SMC4: variants seen among roughly 807,000 people sequenced by gnomAD.
SMC4 encodes structural maintenance of chromosomes 4, also known as structural maintenance of chromosomes protein 4.
Under a neutral mutation model 145.6 loss-of-function variants are expected in SMC4, and 87 were observed. The ratio of observed to expected loss-of-function variants is 0.60; its 90% CI spans 0.50 to 0.71. The LOEUF is 0.71. SMC4 is among the 30% of genes least tolerant of loss of function. The pLI, the probability that SMC4 is intolerant of heterozygous loss-of-function variation, is 0.00. For missense variants in SMC4, 1,447 were observed against 1,537.1 expected, an observed-to-expected ratio of 0.94 and a Z score of 0.98; for synonymous variants, 558 against 500.7, an observed-to-expected ratio of 1.11 and a Z score of -1.53.
chr3:160,408,111 ACT>A (rs1715549020), intron 5 of SMC4, among the ~76,000 whole-genome samples: 1 of 152,176 alleles, frequency 6.6e-6, no homozygotes, highest in Non-Finnish European at 1.5e-5. Flanking sequence ...TTATGCAAAC[ACT>A]CATATTTGCT....
chr3:160,414,137 ATG>A (rs1394339420), intron 8 of SMC4: 2 of 533,802 alleles, frequency 3.7e-6, no homozygotes, highest in Non-Finnish European at 7.2e-6. Context: ...TCACTGGAAA[ATG>A]TGTTATTTTC....
intron 13 of SMC4, 126 bp from the exon 14 acceptor site, chr3:160,423,299 G>T (rs559536916): frequency 4.2e-6 from 3 of 716,274 alleles, no homozygotes; most frequent in Non-Finnish European, 6.7e-6. Context: ...TCTAATTTTA[G>T]AACCTTTTGT....
intron 21 of SMC4, 84 bp downstream of exon 21, chr3:160,431,909 A>T: frequency 7.1e-7 from 1 of 1,414,730 alleles, no homozygotes; most frequent in South Asian, 1.3e-5. Context: ...TGTATAATTA[A>T]CAATGCTGTT....
chr3:160,400,849 C>T lies in SMC4; in HGVS notation c.23C>T (p.Pro8Leu), dbSNP rs768980479. The change falls in exon 2 of 24, where the codon CCC becomes CTC. Residue 8 changes from proline to leucine, a missense_variant. Pro to Leu is a moderately conservative substitution (Grantham distance 98). Transcript: ENST00000357388. MPRKGTQ[P>L]STARRREEGP... ...ACCATGCCCCGTAAAGGCACCCAGC[C>T]CTCCACTGCCCGGCGCAGAGAGGAA... The T allele has an allele frequency of 6.5e-6, 10 of 1,537,690 alleles. No individual in the cohort carries two copies. The highest frequency in any genetic ancestry group is 1.8e-5 in the Admixed American group (1 of 54,166).
At chr3:160,400,074 C>G (rs1207962306) in intron 1 of SMC4, 5 of 152,448 alleles carry the variant, frequency 3.3e-5, no homozygotes, top group African/African-American at 9.6e-5. Flanking sequence ...TGCCAACGGA[C>G]TAGTCACCGG....
chr3:160,419,930 CTG>C (rs1419883428), intron 12 of SMC4, among the ~76,000 whole-genome samples: 1 of 151,938 alleles, frequency 6.6e-6, no homozygotes, highest in Non-Finnish European at 1.5e-5. Flanking sequence ...TATAGCAAGA[CTG>C]TTTTTTAAAA....
At chr3:160,418,076 T>C in intron 11 of SMC4, 120 bp downstream of exon 11, 3 of 777,364 alleles carry the variant, frequency 3.9e-6, no homozygotes, top group Non-Finnish European at 6.3e-6. Context: ...TTTTGTATAA[T>C]CTCAAAAGAA....
At chr3:160,430,911 G>T in intron 19 of SMC4, 121 bp from the exon 20 acceptor site, 1 of 1,255,058 alleles carries the variant, frequency 8.0e-7, no homozygotes, top group Non-Finnish European at 1.1e-6. Flanking sequence ...GAATTTAAAT[G>T]CTTAAATTAT....
chr3:160,412,547 AGTG>A, intron 7 of SMC4, 94 bp downstream of exon 7: 1 of 1,422,956 alleles, frequency 7.0e-7, no homozygotes, highest in African/African-American at 1.5e-5. Flanking sequence ...TGAAGACTGA[AGTG>A]AAAAAAAATC....
At chr3:160,418,213 A>T (rs562860865) in intron 11 of SMC4, among the ~76,000 whole-genome samples, 12 of 152,326 alleles carry the variant, frequency 7.9e-5, no homozygotes, top group African/African-American at 2.9e-4. Context: ...TAAACAAAAG[A>T]AAGTTTGTGT....
chr3:160,433,654 T>C lies in SMC4; in HGVS notation c.3715-3T>C. The C allele has an allele frequency of 1.3e-6, 2 of 1,525,792 alleles. No homozygotes were observed. The highest frequency in any genetic ancestry group is 1.4e-5 in the African/African-American group (1 of 71,240). The allele number at this position is 1,525,792 out of a possible 1,614,324, so 94.5% of individuals were successfully genotyped here. On this transcript the variant is annotated splice_polypyrimidine_tract_variant and splice_region_variant and intron_variant, in intron 23 of 23. Transcript: ENST00000357388. ...TGTTTGACTTTTCTTTGTTTCTCTT[T>C]AGGAACAAACAAAAAATGCACAGTT...
Position 160,402,060 on chromosome 3 carries a change from T to C in SMC4, c.285T>C (p.Tyr95=). ...THIVNQNFKS[Y]AGEKILGPFH... is the part of the protein sequence containing the mutation. ...TTGTAAACCAGAACTTCAAATCCTA[T>C]GCTGGGGAGAAAATTCTGGGACCTT... is the stretch of plus-strand genomic sequence containing the variant. The change falls in exon 3 of 24, where the codon TAT becomes TAC. Residue 95 remains tyrosine (Y), a synonymous_variant. Coordinates refer to ENST00000357388, the MANE Select transcript of SMC4 (RefSeq NM_001002800.3). 2 of 1,556,178 alleles carry C rather than the reference T, an allele frequency of 1.3e-6. No individual in the cohort carries two copies. The highest frequency in any genetic ancestry group is 2.5e-5 in the South Asian group (2 of 80,056).
intron 13 of SMC4, 33 bp from the exon 14 acceptor site, chr3:160,423,392 G>C (rs1376706510): frequency 7.2e-6 from 7 of 971,530 alleles, no homozygotes; most frequent in Non-Finnish European, 5.6e-6. Flanking sequence ...TTTGTTAACT[G>C]TTGTTTTTGT....
intron 18 of SMC4, among the ~76,000 whole-genome samples, chr3:160,429,474 G>T (rs1026883333): frequency 1.3e-5 from 2 of 152,020 alleles, no homozygotes; most frequent in East Asian, 1.9e-4. Flanking sequence ...CTCCCAAGTA[G>T]CTGGGACTAC....
At chr3:160,417,488 CG>C (rs1560001252) in intron 10 of SMC4, 1 of 493,956 alleles carries the variant, frequency 2.0e-6, no homozygotes, top group Non-Finnish European at 3.6e-6. Flanking sequence ...TATTCCTCAG[CG>C]TAATGATCGA....
intron 1 of SMC4, 73 bp from the exon 2 acceptor site, chr3:160,400,749 A>T (rs1181369332): frequency 1.4e-6 from 2 of 1,402,716 alleles, no homozygotes; most frequent in African/African-American, 1.5e-5. Flanking sequence ...GTGGACCGAG[A>T]TTTCCCCGGG....
At chr3:160,401,832 C>A in intron 2 of SMC4, 83 bp from the exon 3 acceptor site, 2 of 1,002,564 alleles carry the variant, frequency 2.0e-6, no homozygotes, top group Non-Finnish European at 3.0e-6. Flanking sequence ...GATGGGCAGT[C>A]ATTAGTTCTC....
intron 16 of SMC4, 128 bp from the exon 17 acceptor site, chr3:160,425,946 C>A: frequency 3.0e-6 from 2 of 663,910 alleles, no homozygotes. Flanking sequence ...ATATCAATGG[C>A]ACATATCTTT....
chr3:160,407,457 G>A (rs1408950544), intron 5 of SMC4, among the ~76,000 whole-genome samples: 1 of 152,146 alleles, frequency 6.6e-6, no homozygotes, highest in East Asian at 1.9e-4. Context: ...GGAGGCTGAG[G>A]TGGGAGGACT....
Sources: gnomAD v4.1 joint callset for allele counts (sites outside exome capture counted in the v4.1 genomes callset) on GRCh38, gnomAD v4.1.1 for gene constraint, MANE v1.5 for transcripts, NCBI Gene and HGNC (gene_info 2026-07-23, HGNC 2026-07-21) for gene names.